Variants in POLR3B observed in about 807,000 individuals in gnomAD.
POLR3B encodes the protein DNA-directed RNA polymerase III subunit RPC2.
Under a neutral mutation model 147.4 loss-of-function variants are expected in POLR3B, and 96 were observed. That is an observed-to-expected ratio of 0.65 (90% CI 0.55 to 0.77). The LOEUF is 0.77. Ranked by LOEUF, POLR3B falls within the 30% of genes least tolerant of loss-of-function variation. The pLI, the probability that POLR3B is intolerant of heterozygous loss-of-function variation, is 0.00. For synonymous variants in POLR3B, 461 were observed against 485.9 expected (o/e 0.95, Z 0.67); for missense variants, 1,036 against 1,413.5 (o/e 0.73, Z 4.28).
At chr12:106,375,405 A>G (rs890301088) in intron 6 of POLR3B, among the ~76,000 whole-genome samples, 1 of 152,006 alleles carries the variant, frequency 6.6e-6, no homozygotes, top group African/African-American at 2.4e-5. Flanking sequence ...TTTGAATAGG[A>G]CTTCTCACCT....
chr12:106,502,091 G>GC (rs1482966387), intron 26 of POLR3B, among the ~76,000 whole-genome samples: 4 of 152,158 alleles, frequency 2.6e-5, no homozygotes, highest in African/African-American at 9.7e-5. Flanking sequence ...GTGGTTCTCA[G>GC]CCAGGGATGA....
intron 10 of POLR3B, among the ~76,000 whole-genome samples, chr12:106,396,336 T>A (rs2036978958): frequency 6.6e-6 from 1 of 152,234 alleles, no homozygotes; most frequent in Non-Finnish European, 1.5e-5. Flanking sequence ...AGTTACTACT[T>A]ACTACTAGGT....
rs1030573889 is a variant in POLR3B at position 106,384,016 on chromosome 12, A to G, written c.723+3877A>G. On this transcript the variant is annotated intron_variant, in intron 9 of 27. Coordinates refer to ENST00000228347, the MANE Select transcript of POLR3B (RefSeq NM_018082.6). ...AGAGAGAAAAAAAAAAAGATCATTG[A>G]TCACAGGTCCCCATAACAGTGAAAA... Among the ~76,000 whole-genome samples the G allele has an allele frequency of 9.2e-5, 14 of 152,086 alleles. 1 individual carries two copies. Among genetic ancestry groups the G allele is most frequent in the Middle Eastern group, 6.8e-3 (2 of 294 alleles).
At chr12:106,380,273 G>C in intron 9 of POLR3B, 134 bp downstream of exon 9, 1 of 672,274 alleles carries the variant, frequency 1.5e-6, no homozygotes, top group Non-Finnish European at 2.7e-6. Flanking sequence ...GTCATATGAT[G>C]TATTTTAAAT....
At chr12:106,494,366 T>G (rs1205188596) in intron 23 of POLR3B, among the ~76,000 whole-genome samples, 1 of 152,142 alleles carries the variant, frequency 6.6e-6, no homozygotes. Context: ...GACGCCAGCC[T>G]CCTCCTGCGA....
intron 18 of POLR3B, among the ~76,000 whole-genome samples, chr12:106,444,018 T>C (rs1486256434): frequency 6.6e-6 from 1 of 151,474 alleles, no homozygotes; most frequent in Non-Finnish European, 1.5e-5. Context: ...AGACAGGGTT[T>C]CACCATGTTG....
At chr12:106,416,437 T>C (rs1261604389) in intron 12 of POLR3B, among the ~76,000 whole-genome samples, 1 of 152,150 alleles carries the variant, frequency 6.6e-6, no homozygotes, top group African/African-American at 2.4e-5. Flanking sequence ...TGGCTGCCCC[T>C]CCCATCTGTC....
intron 22 of POLR3B, among the ~76,000 whole-genome samples, chr12:106,462,393 G>T (rs2037950714): frequency 6.6e-6 from 1 of 152,182 alleles, no homozygotes; most frequent in Non-Finnish European, 1.5e-5. Flanking sequence ...GATTACAGGG[G>T]CATGCCACTA....
chr12:106,438,928 C>T (rs1484908496), intron 18 of POLR3B, among the ~76,000 whole-genome samples: 1 of 152,138 alleles, frequency 6.6e-6, no homozygotes, highest in Non-Finnish European at 1.5e-5. Context: ...CATCTGTGTT[C>T]CATTTTAGAG....
chr12:106,358,442 A>G (rs894477917), intron 1 of POLR3B, among the ~76,000 whole-genome samples: 2 of 152,180 alleles, frequency 1.3e-5, no homozygotes, highest in African/African-American at 4.8e-5. Context: ...AACGCCCTCA[A>G]TATTTACTAA....
chr12:106,386,162 A>T (rs546515718), intron 9 of POLR3B, among the ~76,000 whole-genome samples: 6 of 152,186 alleles, frequency 3.9e-5, no homozygotes, highest in African/African-American at 1.4e-4. Context: ...CCTGGCTAAC[A>T]TGGTGAGAAG....
At chr12:106,409,242 A>G (rs1393470252) in intron 11 of POLR3B, among the ~76,000 whole-genome samples, 1 of 152,040 alleles carries the variant, frequency 6.6e-6, no homozygotes, top group Non-Finnish European at 1.5e-5. Context: ...GGAGGACCAT[A>G]CAGCTTTCGA....
chr12:106,379,875 GA>G (rs2036735215), intron 8 of POLR3B, among the ~76,000 whole-genome samples, 155 bp from the exon 9 acceptor site: 1 of 152,226 alleles, frequency 6.6e-6, no homozygotes, highest in Admixed American at 6.5e-5. Flanking sequence ...AGCAGGGCAG[GA>G]AAGGAATTGT....
chr12:106,390,384 C>G lies in POLR3B; in HGVS notation c.724-2647C>G, dbSNP rs115160421. On this transcript the variant is annotated intron_variant, in intron 9 of 27. Transcript: ENST00000228347. ...AGGAATTCTGTTCTAATATTTGTGA[C>G]TGGCTACTTGCAGACCAAAGAGAAA... Among the ~76,000 whole-genome samples, 1,040 of 151,692 alleles carry G rather than the reference C, an allele frequency of 6.9e-3. 18 individuals are homozygous for G. The highest frequency in any genetic ancestry group is 0.024 in the African/African-American group (1,001 of 41,370).
rs560914710 is a variant in POLR3B, at chr12:106,357,774, A to T, written c.-106A>T. 17 of 1,100,194 alleles carry T rather than the reference A, an allele frequency of 1.5e-5. No individual in the cohort carries two copies. The highest frequency in any genetic ancestry group is 5.3e-4 in the Middle Eastern group (2 of 3,768). 68.2% of individuals were successfully genotyped at this position (1,100,194 alleles called of 1,614,324 possible). On this transcript the variant is annotated 5_prime_UTR_variant, in exon 1 of 28. Coordinates refer to ENST00000228347, the MANE Select transcript of POLR3B (RefSeq NM_018082.6). ...TCTCTAGCTAACACGCACGGCGGGG[A>T]CAGTTTAGGCCTCCGCGCACCGTTC...
At chr12:106,360,066 C>A (rs1482160764) in intron 1 of POLR3B, among the ~76,000 whole-genome samples, 7 of 152,214 alleles carry the variant, frequency 4.6e-5, no homozygotes, top group Admixed American at 4.6e-4. Flanking sequence ...GTCCTGAGTT[C>A]TTAATCTATG....
intron 6 of POLR3B, among the ~76,000 whole-genome samples, chr12:106,372,773 G>A (rs980481260): frequency 5.3e-5 from 8 of 151,864 alleles, no homozygotes; most frequent in Non-Finnish European, 7.4e-5. Flanking sequence ...TTCTCCCTTC[G>A]TCTTCCAATT....
At chr12:106,411,825 C>T (rs2037231748) in intron 12 of POLR3B, among the ~76,000 whole-genome samples, 1 of 152,158 alleles carries the variant, frequency 6.6e-6, no homozygotes, top group Admixed American at 6.5e-5. Context: ...GGCTAGCAAG[C>T]ATCCAAAAAT....
intron 1 of POLR3B, chr12:106,358,245 C>T: frequency 1.5e-6 from 2 of 1,360,378 alleles, no homozygotes; most frequent in South Asian, 1.5e-5. Flanking sequence ...AGGACTGACC[C>T]TCGCACTTAC....
Sources: gnomAD v4.1 joint callset for allele counts (sites outside exome capture counted in the v4.1 genomes callset) on GRCh38, gnomAD v4.1.1 for gene constraint, MANE v1.5 for transcripts, NCBI Gene and HGNC (gene_info 2026-07-23, HGNC 2026-07-21) for gene names.